Variants in PRKX observed in about 807,000 individuals in gnomAD.
PRKX encodes the protein cAMP-dependent protein kinase catalytic subunit PRKX.
In PRKX, 12 loss-of-function variants were observed where a neutral mutation model predicts 22.0. The observed-to-expected ratio is 0.54, with a 90% CI of 0.35 to 0.88. The LOEUF is 0.88. Among genes scored for constraint, PRKX ranks in the 40% least tolerant of loss-of-function variants. The pLI, the probability that PRKX is intolerant of heterozygous loss-of-function variation, is 0.01. For missense variants in PRKX, 217 were observed against 308.0 expected (o/e 0.70, Z 2.21); for synonymous variants, 134 against 137.7 (o/e 0.97, Z 0.19).
chrX:3,688,135 AAAAC>A (rs919913420), intron 1 of PRKX, among the ~76,000 whole-genome samples: 29 of 109,363 alleles, frequency 2.7e-4, no homozygotes, highest in African/African-American at 7.0e-4. Context: ...TCTGTCTCAA[AAAAC>A]AAACAAACAA....
chrX:3,703,669 GTTT>G (rs1242835644), intron 1 of PRKX, among the ~76,000 whole-genome samples: 4 of 64,181 alleles, frequency 6.2e-5, no homozygotes, highest in East Asian at 5.1e-4. Flanking sequence ...TTTTTTGGTT[GTTT>G]TTTTTTTTTT....
intron 2 of PRKX, chrX:3,670,118 C>T (rs1392282678): frequency 8.1e-6 from 1 of 123,757 alleles, no homozygotes; most frequent in Non-Finnish European, 1.9e-5. Context: ...ATACCTTCAT[C>T]AAGAAGTCCA....
chrX:3,655,553 G>A (rs1927463686), intron 2 of PRKX, 141 bp from the exon 3 acceptor site: 2 of 663,868 alleles, frequency 3.0e-6, no homozygotes, highest in South Asian at 2.8e-5. Flanking sequence ...GACAGATGTC[G>A]GGACATGGAG....
At chrX:3,645,275 G>A (rs1370796502) in intron 3 of PRKX, among the ~76,000 whole-genome samples, 1 of 110,801 alleles carries the variant, frequency 9.0e-6, no homozygotes, top group African/African-American at 3.3e-5. Flanking sequence ...CGGGGGGAGG[G>A]GAGGGAGGAG....
At chrX:3,618,067 AAGAGAG>A (rs149670216) in intron 6 of PRKX, among the ~76,000 whole-genome samples, 2 of 86,619 alleles carry the variant, frequency 2.3e-5, no homozygotes, top group African/African-American at 8.5e-5. Context: ...AAAAAAAAAA[AAGAGAG>A]AGAGAGAGAG....
intron 7 of PRKX, among the ~76,000 whole-genome samples, chrX:3,613,943 G>A (rs1926365492): frequency 9.3e-6 from 1 of 107,138 alleles, no homozygotes; most frequent in Non-Finnish European, 1.9e-5. Flanking sequence ...CTAGGAATAA[G>A]CATTTCTAAG....
chrX:3,687,009 T>A (rs753430916), intron 1 of PRKX, among the ~76,000 whole-genome samples: 2 of 111,691 alleles, frequency 1.8e-5, no homozygotes, highest in South Asian at 7.5e-4. Flanking sequence ...TACTTTTATT[T>A]ATTTTTAATT....
In PRKX at chrX:3,607,156, C is replaced by CAAT. The variant is rs1174167456; in HGVS notation, c.*1810_*1812dup. ...TTAATAATTTTTAAAGTAGAATGTT[C>CAAT]AATATTATTACTATGATTTATTTTT... On this transcript the variant is annotated 3_prime_UTR_variant, in exon 9 of 9. Transcript: ENST00000262848. 8.9e-6 allele frequency: 1 copy of CAAT among 111,787 alleles called. No individual in the cohort carries two copies. Among genetic ancestry groups the CAAT allele is most frequent in the Non-Finnish European group, 1.9e-5 (1 of 53,231 alleles). The allele number at this position is 111,787 out of a possible 1,213,427, so 9.2% of individuals were successfully genotyped here. A position where few individuals can be genotyped will look rare whatever the true frequency, so the allele number is the denominator to read the frequency against.
chrX:3,632,997 T>G (rs1194236771), intron 4 of PRKX, among the ~76,000 whole-genome samples: 3 of 111,376 alleles, frequency 2.7e-5, no homozygotes, highest in Non-Finnish European at 5.7e-5. Flanking sequence ...GCGGGAGGAC[T>G]GCTTGAGCCC....
At chrX:3,639,442 T>G (rs1603473707) in intron 4 of PRKX, among the ~76,000 whole-genome samples, 1 of 22,542 alleles carries the variant, frequency 4.4e-5, no homozygotes, top group Non-Finnish European at 8.0e-5. Context: ...TGGGGGTGGA[T>G]GGATGAAGGG....
intron 2 of PRKX, among the ~76,000 whole-genome samples, chrX:3,658,205 G>A (rs531648852): frequency 9.0e-6 from 1 of 111,024 alleles, no homozygotes; most frequent in East Asian, 2.8e-4. Context: ...TGGCCAGGCC[G>A]GTCTCGAACT....
At position 3,621,309 on chromosome X, in the gene PRKX, T is replaced by C. The variant is rs746544569; in HGVS notation, c.823A>G (p.Ile275Val). 5.0e-6 allele frequency: 6 copies of C among 1,205,066 alleles called. No homozygotes were observed. The Admixed American group carries it at 1.1e-4, about 22-fold the overall frequency. ...RHLDFHVKDLIKKLLVVDRTR... is the reference protein window; with the variant it reads ...RHLDFHVKDLVKKLLVVDRTR... The stretch of plus-strand genomic sequence containing the variant: ...CTGTCAACCACGAGCAGTTTCTTAA[T>C]GAGGTCTCTATGTTGGGGAAGGAGA... Residue 275 changes from isoleucine to valine, a missense_variant, in exon 6 of 9, where the codon ATT (isoleucine) becomes GTT (valine). Ile to Val is a conservative substitution (Grantham distance 29). Transcript: ENST00000262848.
intron 3 of PRKX, among the ~76,000 whole-genome samples, chrX:3,648,899 T>C (rs1248836312): frequency 2.7e-5 from 3 of 109,559 alleles, no homozygotes; most frequent in Non-Finnish European, 5.7e-5. Flanking sequence ...GCCAACATAG[T>C]GGGACCCTGT....
chrX:3,674,207 C>A (rs941917815), intron 2 of PRKX, among the ~76,000 whole-genome samples: 5 of 110,847 alleles, frequency 4.5e-5, no homozygotes, highest in Non-Finnish European at 9.4e-5. Context: ...AGCCCAGCCC[C>A]GTCCACGTGA....
intron 2 of PRKX, chrX:3,667,168 C>G (rs1413095941): frequency 3.6e-5 from 4 of 111,505 alleles, no homozygotes; most frequent in Non-Finnish European, 7.5e-5. Flanking sequence ...CTTTAGCTGA[C>G]AGCAGCACTT....
intron 6 of PRKX, 48 bp downstream of exon 6, chrX:3,621,211 G>A: frequency 1.8e-6 from 2 of 1,105,063 alleles, no homozygotes. Flanking sequence ...TTAGACGGCA[G>A]ACACGCACAT....
intron 1 of PRKX, among the ~76,000 whole-genome samples, chrX:3,689,077 T>C (rs931827179): frequency 1.8e-5 from 2 of 112,209 alleles, no homozygotes; most frequent in African/African-American, 6.5e-5. Context: ...ACTATAGAAA[T>C]AGTTCATCAA....
In PRKX at chrX:3,655,183, T is replaced by C. The variant is rs752230135; in HGVS notation, c.565A>G (p.Thr189Ala). ...LLDRDGHIKL[T>A]DFGFAKKLVD... ...AGCTTCTTGGCGAACCCAAAGTCCG[T>C]GAGCTTAATGTGGCCATCCCTATCC... is the stretch of plus-strand genomic sequence containing the variant. Residue 189 changes from threonine (T) to alanine (A), a missense_variant, in exon 3 of 9, where the codon ACG becomes GCG. Coordinates refer to ENST00000262848, the MANE Select transcript of PRKX (RefSeq NM_005044.5). 4.1e-6 allele frequency: 5 copies of C among 1,209,429 alleles called. No individual in the cohort carries two copies. In the Admixed American group the frequency reaches 8.7e-5, roughly 21 times the overall value.
chrX:3,611,984 G>C lies in PRKX; in HGVS notation c.*23+193C>G, dbSNP rs182913208. On this transcript the variant is annotated intron_variant, in intron 8 of 8. Transcript: ENST00000262848. Reference sequence around the variant, plus strand: ...GACTGTCATGCTGATGCCTCTGACGGTCACATGCTGACCTGGAGTCACAGG... The same window carrying C: ...GACTGTCATGCTGATGCCTCTGACGCTCACATGCTGACCTGGAGTCACAGG... Among the ~76,000 whole-genome samples, 305 of 110,626 alleles carry C rather than the reference G, an allele frequency of 2.8e-3. 2 individuals carry two copies. Among genetic ancestry groups the C allele is most frequent in the African/African-American group, 9.5e-3 (290 of 30,426 alleles).
Sources: allele counts gnomAD v4.1 joint callset (sites outside exome capture counted in the v4.1 genomes callset), GRCh38; gene constraint gnomAD v4.1.1; transcripts MANE v1.5; gene names NCBI Gene and HGNC (gene_info 2026-07-23, HGNC 2026-07-21).